The following SH3PXD2A variants were observed in gnomAD, a reference collection of about 807,000 sequenced individuals.
The protein encoded by SH3PXD2A is SH3 and PX domain-containing protein 2A.
A neutral mutation model predicts 115.2 loss-of-function variants in SH3PXD2A; 32 were observed. That is an observed-to-expected ratio of 0.28 (90% CI 0.21 to 0.37). The LOEUF is 0.37. Ranked by LOEUF, SH3PXD2A falls within the 10% of genes least tolerant of loss-of-function variation. The pLI is 1.00. For synonymous variants in SH3PXD2A, 610 were observed against 629.1 expected (o/e 0.97, Z 0.45); for missense variants, 1,328 against 1,498.7 (o/e 0.89, Z 1.88).
At chr10:103,661,980 A>G in intron 7 of SH3PXD2A, 1 of 984,786 alleles carries the variant, frequency 1.0e-6, no homozygotes, top group Non-Finnish European at 1.2e-6. Flanking sequence ...CACCGAGCCC[A>G]GGCCGGGTAC....
rs187951504 is a variant in SH3PXD2A, at chr10:103,604,270, G to T, written c.1429-481C>A. On this transcript the variant is annotated intron_variant, in intron 14 of 14. Coordinates refer to ENST00000369774, the MANE Select transcript of SH3PXD2A (RefSeq NM_001394015.1). Reference sequence around the variant, plus strand: ...AGATGCAGATGAAGTGACCTGGGAGGTACAGGCCCGAGGCCAGAGCCTCTC... The same window carrying T: ...AGATGCAGATGAAGTGACCTGGGAGTTACAGGCCCGAGGCCAGAGCCTCTC... 5.6e-3 allele frequency among the ~76,000 whole-genome samples: 849 copies of T among 152,300 alleles called. 6 individuals are homozygous for T. Among genetic ancestry groups the T allele is most frequent in the Non-Finnish European group, 7.5e-3 (513 of 68,022 alleles).
chr10:103,764,380 A>G (rs557416195), intron 3 of SH3PXD2A, among the ~76,000 whole-genome samples: 1 of 152,264 alleles, frequency 6.6e-6, no homozygotes, highest in South Asian at 2.1e-4. Context: ...AGAGTGAGTG[A>G]GCTGAAGAGG....
In SH3PXD2A at chr10:103,602,893, G is replaced by C; in HGVS notation, c.2325C>G (p.Ile775Met). 6.2e-7 allele frequency: 1 copy of C among 1,614,114 alleles called. No individual in the cohort carries two copies. Among genetic ancestry groups the C allele is most frequent in the South Asian group, 1.1e-5 (1 of 91,072 alleles). ...GTCTCAGCTGGCGCCGTAAAGTGCT[G>C]ATGTCCATCTTCTCTTGGCTCTGCG... ...AESQSQEKMDISTLRRQLRPT... is the reference protein window; with the variant it reads ...AESQSQEKMDMSTLRRQLRPT... Residue 775 changes from isoleucine (I) to methionine (M), a missense_variant, in exon 15 of 15, where the codon ATC becomes ATG. By Grantham distance (10) the Ile-to-Met change is conservative. Around this residue, in one of 5 missense-constraint regions of SH3PXD2A, gnomAD observed 574 missense variants for 565.7 expected, o/e 1.01. Transcript: ENST00000369774.
At chr10:103,727,716 G>A (rs917875921) in intron 4 of SH3PXD2A, among the ~76,000 whole-genome samples, 5 of 152,228 alleles carry the variant, frequency 3.3e-5, no homozygotes, top group Non-Finnish European at 4.4e-5. Context: ...CAGAGGACGC[G>A]TGGGCCACGA....
At chr10:103,728,294 G>A (rs536662592) in intron 4 of SH3PXD2A, among the ~76,000 whole-genome samples, 1 of 152,342 alleles carries the variant, frequency 6.6e-6, no homozygotes, top group South Asian at 2.1e-4. Context: ...AATATGAGAA[G>A]CCGAGCACAG....
chr10:103,799,735 T>C (rs1263382498), intron 2 of SH3PXD2A, among the ~76,000 whole-genome samples: 1 of 152,188 alleles, frequency 6.6e-6, no homozygotes, highest in East Asian at 1.9e-4. Context: ...AACTGAGTTA[T>C]CACTTCCTGT....
At chr10:103,791,774 G>C (rs772011404) in intron 2 of SH3PXD2A, among the ~76,000 whole-genome samples, 1 of 151,960 alleles carries the variant, frequency 6.6e-6, no homozygotes, top group Admixed American at 6.6e-5. Context: ...GAAACTGCAC[G>C]AGAAGTTGCA....
chr10:103,794,383 A>T (rs1171080067), intron 2 of SH3PXD2A, among the ~76,000 whole-genome samples: 1 of 152,220 alleles, frequency 6.6e-6, no homozygotes, highest in Non-Finnish European at 1.5e-5. Context: ...CAGAGTTCAG[A>T]CTAAAGCAAT....
rs183718254 is a variant in SH3PXD2A, at chr10:103,633,597, G to A, written c.605-6395C>T. 5.5e-5 allele frequency among the ~76,000 whole-genome samples: 8 copies of A among 146,468 alleles called. No individual in the cohort carries two copies. The East Asian group carries it at 1.4e-3, about 26-fold the overall frequency. On this transcript the variant is annotated intron_variant, in intron 8 of 14. Transcript: ENST00000369774. Reference sequence around the variant, plus strand: ...AAAAAAATTAGCCAGGTGTGGTGGCGGATGCCTGTAATCCCAGCTACTTGG... The same window carrying A: ...AAAAAAATTAGCCAGGTGTGGTGGCAGATGCCTGTAATCCCAGCTACTTGG...
intron 5 of SH3PXD2A, among the ~76,000 whole-genome samples, chr10:103,701,471 A>T (rs1294443939): frequency 2.2e-5 from 3 of 138,240 alleles, no homozygotes; most frequent in African/African-American, 8.4e-5. Context: ...TCCATCCATC[A>T]TCCATCCATC....
intron 13 of SH3PXD2A, among the ~76,000 whole-genome samples, chr10:103,610,857 C>T (rs1269189985): frequency 1.3e-5 from 2 of 152,194 alleles, no homozygotes; most frequent in Middle Eastern, 3.2e-3. Context: ...ACAGTCTCTC[C>T]GCCTCTAAGT....
In SH3PXD2A at chr10:103,724,344, G is replaced by A. The variant is rs751943686; in HGVS notation, c.324C>T (p.Pro108=). The change falls in exon 5 of 15, where the codon CCC becomes CCT. Residue 108 remains proline, a synonymous_variant. Transcript: ENST00000369774. ...DEYCRALVRL[P]PHISQCDEVF... ...CTTCGTCACACTGTGAGATGTGGGG[G>A]GGCAGCCGGACAAGTGCCTGTGGAG... 33 of 1,580,380 alleles carry A rather than the reference G, an allele frequency of 2.1e-5. No individual in the cohort carries two copies. Among genetic ancestry groups the A allele is most frequent in the Admixed American group, 3.7e-5 (2 of 53,464 alleles).
At chr10:103,817,686 C>T (rs1463941186) in intron 1 of SH3PXD2A, among the ~76,000 whole-genome samples, 10 of 152,184 alleles carry the variant, frequency 6.6e-5, no homozygotes, top group African/African-American at 2.4e-4. Context: ...AGTGAGAACA[C>T]ATGGTATTTG....
intron 3 of SH3PXD2A, among the ~76,000 whole-genome samples, chr10:103,760,459 A>G (rs1490591697): frequency 6.6e-6 from 1 of 152,128 alleles, no homozygotes; most frequent in African/African-American, 2.4e-5. Flanking sequence ...AGTCTCAGCT[A>G]CTTGGGAGGC....
chr10:103,788,684 T>A (rs1468091152), intron 2 of SH3PXD2A, among the ~76,000 whole-genome samples: 22 of 151,984 alleles, frequency 1.4e-4, no homozygotes, highest in Admixed American at 1.4e-3. Flanking sequence ...CTGGCCAACA[T>A]GGAGAAACCC....
chr10:103,671,943 C>T (rs1592293311), intron 6 of SH3PXD2A, among the ~76,000 whole-genome samples: 3 of 152,346 alleles, frequency 2.0e-5, no homozygotes, highest in African/African-American at 7.2e-5. Flanking sequence ...GAAACCTGCA[C>T]CCTGGCTCTT....
chr10:103,825,321 C>T (rs140402815), intron 1 of SH3PXD2A, among the ~76,000 whole-genome samples: 1 of 152,180 alleles, frequency 6.6e-6, no homozygotes, highest in East Asian at 1.9e-4. Context: ...TTTCCTAGGA[C>T]AGTATCATTT....
At chr10:103,718,760 GACACACAC>G (rs55844048) in intron 5 of SH3PXD2A, among the ~76,000 whole-genome samples, 2,979 of 128,402 alleles carry the variant, frequency 0.023, 85 homozygotes, top group African/African-American at 0.078. Context: ...CCCCAATCAG[GACACACAC>G]ACACACACAC....
At chr10:103,767,286 G>A (rs865879166) in intron 2 of SH3PXD2A, 117 bp from the exon 3 acceptor site, 3 of 722,446 alleles carry the variant, frequency 4.2e-6, no homozygotes, top group Admixed American at 2.1e-5. Flanking sequence ...GATGAGTGAC[G>A]CCTGAGATCC....
Sources: gnomAD v4.1 joint callset for allele counts (sites outside exome capture counted in the v4.1 genomes callset) on GRCh38, gnomAD v4.1.1 for gene constraint, gnomAD v4.1.1 regional missense constraint, MANE v1.5 for transcripts, NCBI Gene and HGNC (gene_info 2026-07-23, HGNC 2026-07-21) for gene names.